KCNN2: variants seen among roughly 807,000 people sequenced by gnomAD.
KCNN2 encodes the protein small conductance calcium-activated potassium channel protein 2.
In KCNN2, 24 loss-of-function variants were observed where a neutral mutation model predicts 55.5. That is an observed-to-expected ratio of 0.43 (90% CI 0.31 to 0.61). The LOEUF is 0.61. Ranked by LOEUF, KCNN2 falls within the 20% of genes least tolerant of loss-of-function variation. The pLI is 0.08. For synonymous variants in KCNN2, 431 were observed against 336.1 expected, an observed-to-expected ratio of 1.28 and a Z score of -3.09; for missense variants, 754 against 853.6, an observed-to-expected ratio of 0.88 and a Z score of 1.45.
chr5:114,447,036 G>A (rs900156579), intron 3 of KCNN2, among the ~76,000 whole-genome samples: 2 of 152,214 alleles, frequency 1.3e-5, no homozygotes, highest in Non-Finnish European at 2.9e-5. Context: ...GCACAGCACA[G>A]ATATTGAATA....
At chr5:114,243,756 T>TA (rs1754691727) in intron 2 of KCNN2, among the ~76,000 whole-genome samples, 1 of 152,220 alleles carries the variant, frequency 6.6e-6, no homozygotes, top group Non-Finnish European at 1.5e-5. Context: ...TATGTGGTTT[T>TA]AGTCATCCAC....
chr5:114,358,101 T>A (rs1231961884), upstream of KCNN2, among the ~76,000 whole-genome samples: 1 of 151,730 alleles, frequency 6.6e-6, no homozygotes, highest in African/African-American at 2.4e-5. Flanking sequence ...ATGTCTTCCT[T>A]TATGCAGCCA....
intron 2 of KCNN2, among the ~76,000 whole-genome samples, chr5:114,231,430 A>C (rs575400100): frequency 0.032 from 4,751 of 146,816 alleles, 413 homozygotes; most frequent in African/African-American, 0.12. Flanking sequence ...CTAACGTTTA[A>C]GTCTTTAATC....
In KCNN2 at chr5:114,442,247, C is replaced by CAT. The variant is rs200102000; in HGVS notation, c.1638-20790_1638-20789dup. 3.6e-3 allele frequency among the ~76,000 whole-genome samples: 532 copies of CAT among 149,340 alleles called. 14 individuals carry two copies. The East Asian group carries it at 0.067, about 19-fold the overall frequency. Reference sequence around the variant, plus strand: ...TACAGCAGAACGAATTATATATATACATATATATATATAATTTTCATATAT... The same window carrying CAT: ...TACAGCAGAACGAATTATATATATACATATATATATATATAATTTTCATATAT... On this transcript the variant is annotated intron_variant, in intron 3 of 7. Transcript: ENST00000673685.
intron 1 of KCNN2, among the ~76,000 whole-genome samples, chr5:114,128,148 C>T (rs945060975): frequency 6.6e-6 from 1 of 152,128 alleles, no homozygotes; most frequent in Non-Finnish European, 1.5e-5. Context: ...AACAGCACCC[C>T]ACTACCTGGT....
At position 114,296,353 on chromosome 5, in the gene KCNN2, A is replaced by T. The variant is rs575009351; in HGVS notation, c.-184-64592A>T. On this transcript the variant is annotated intron_variant, in intron 2 of 10. Coordinates refer to the KCNN2 transcript ENST00000512097. The stretch of plus-strand genomic sequence containing the variant: ...ATCCTCATGTCTGAAGACCATCCTG[A>T]TGGAAGGAAGAAGCTGGAATCTTGC... 2.6e-5 allele frequency among the ~76,000 whole-genome samples: 4 copies of T among 152,284 alleles called. No individual in the cohort carries two copies. The East Asian group carries it at 7.7e-4, about 29-fold the overall frequency.
At chr5:114,390,304 G>A (rs1758416562) in intron 2 of KCNN2, among the ~76,000 whole-genome samples, 1 of 152,180 alleles carries the variant, frequency 6.6e-6, no homozygotes, top group Admixed American at 6.5e-5. Context: ...ATGATTTAAT[G>A]ATACATACCA....
intron 2 of KCNN2, among the ~76,000 whole-genome samples, chr5:114,379,358 T>C (rs930319829): frequency 7.9e-5 from 12 of 151,566 alleles, no homozygotes; most frequent in African/African-American, 2.9e-4. Context: ...ATTTCCAAAC[T>C]TATTGACTCT....
At chr5:114,065,263 G>A (rs1750422366) in intron 1 of KCNN2, among the ~76,000 whole-genome samples, 1 of 152,136 alleles carries the variant, frequency 6.6e-6, no homozygotes. Context: ...ATTTCCTATT[G>A]ATGAAGTTTT....
intron 3 of KCNN2, among the ~76,000 whole-genome samples, chr5:114,424,817 G>A (rs1358346692): frequency 6.6e-6 from 1 of 152,236 alleles, no homozygotes; most frequent in Non-Finnish European, 1.5e-5. Context: ...AGTAGCAAAT[G>A]TAGTAGGTAC....
intron 2 of KCNN2, among the ~76,000 whole-genome samples, chr5:114,279,138 G>T (rs1468587628): frequency 6.6e-6 from 1 of 151,698 alleles, no homozygotes; most frequent in Non-Finnish European, 1.5e-5. Context: ...TAATGCCCTT[G>T]CCATTTGTTT....
chr5:114,258,530 G>A (rs1427717123), intron 2 of KCNN2, among the ~76,000 whole-genome samples: 1 of 152,034 alleles, frequency 6.6e-6, no homozygotes, highest in Non-Finnish European at 1.5e-5. Context: ...CTCATTGTTG[G>A]TTTGCTCGAG....
chr5:114,324,120 A>AT (rs913594830), intron 2 of KCNN2, among the ~76,000 whole-genome samples: 2 of 152,126 alleles, frequency 1.3e-5, no homozygotes, highest in African/African-American at 4.8e-5. Context: ...TAATTTGACC[A>AT]TTTTTTTGTC....
chr5:114,265,957 A>C (rs1247777322), intron 2 of KCNN2, among the ~76,000 whole-genome samples: 3 of 152,172 alleles, frequency 2.0e-5, no homozygotes, highest in African/African-American at 7.2e-5. Context: ...TAGCCTCTAG[A>C]GTATCACTGT....
chr5:114,270,468 A>G (rs2150007881), intron 2 of KCNN2, among the ~76,000 whole-genome samples: 1 of 152,332 alleles, frequency 6.6e-6, no homozygotes, highest in African/African-American at 2.4e-5. Flanking sequence ...AGAATATGGT[A>G]ATATACTATA....
At chr5:114,177,810 T>C (rs940722444) in intron 1 of KCNN2, among the ~76,000 whole-genome samples, 2 of 152,158 alleles carry the variant, frequency 1.3e-5, no homozygotes, top group Non-Finnish European at 2.9e-5. Context: ...TAAGACATTA[T>C]CTTCTCAGTT....
Position 114,312,351 on chromosome 5 carries a change from C to G in KCNN2, c.-184-48594C>G, listed in dbSNP as rs141726376. 1.2e-3 allele frequency among the ~76,000 whole-genome samples: 171 copies of G among 145,512 alleles called. 2 individuals are homozygous for G. In the East Asian group the frequency reaches 0.026, roughly 22 times the overall value. ...GATTTGGCTTGCCCCTAAGACATTT[C>G]TCCTTTGATTCATCCTGTGAAATAA... On this transcript the variant is annotated intron_variant, in intron 2 of 10. Coordinates refer to the KCNN2 transcript ENST00000512097.
At chr5:114,148,278 A>T (rs1752445639) in intron 1 of KCNN2, among the ~76,000 whole-genome samples, 1 of 152,110 alleles carries the variant, frequency 6.6e-6, no homozygotes, top group African/African-American at 2.4e-5. Context: ...TAACACCCTG[A>T]TAGGTTTAAT....
At chr5:114,260,647 GAATA>G (rs1181129752) in intron 2 of KCNN2, among the ~76,000 whole-genome samples, 1 of 152,166 alleles carries the variant, frequency 6.6e-6, no homozygotes, top group Non-Finnish European at 1.5e-5. Context: ...TAGAATGAAT[GAATA>G]AATAGAAGGG....
Sources: gnomAD v4.1 joint callset for allele counts (sites outside exome capture counted in the v4.1 genomes callset) on GRCh38, gnomAD v4.1.1 for gene constraint, MANE v1.5 for transcripts, NCBI Gene and HGNC (gene_info 2026-07-23, HGNC 2026-07-21) for gene names.